ALDH2: variants seen among roughly 807,000 people sequenced by gnomAD.
The protein encoded by ALDH2 is aldehyde dehydrogenase, mitochondrial.
ALDH2 carries 44 observed loss-of-function variants against 59.6 expected under a neutral mutation model. The observed-to-expected ratio is 0.74, with a 90% confidence interval of 0.58 to 0.95. The LOEUF (loss-of-function observed/expected upper bound fraction) is 0.95, where lower values mean the gene tolerates loss of function less well. Ranked by LOEUF, ALDH2 falls within the 40% of genes least tolerant of loss-of-function variation. ALDH2 has a pLI of 0.00. For synonymous variants in ALDH2, 291 were observed against 284.0 expected (o/e 1.02, Z -0.25); for missense variants, 570 against 696.3 (o/e 0.82, Z 2.04).
At position 111,792,107 on chromosome 12, in the gene ALDH2, G is replaced by T; in HGVS notation, c.842G>T (p.Arg281Ile). 6.2e-7 allele frequency: 1 copy of T among 1,609,364 alleles called. No individual in the cohort carries two copies. Among genetic ancestry groups the T allele is most frequent in the South Asian group, 1.1e-5 (1 of 90,382 alleles). Residue 281 changes from arginine to isoleucine, a missense_variant, in exon 8 of 13, where the codon AGA (arginine) becomes ATA (isoleucine). Coordinates refer to ENST00000261733, the MANE Select transcript of ALDH2 (RefSeq NM_000690.4). ...GCTGCTGGGAGCAGCAACCTCAAGA[G>T]AGTGACCTTGGAGCTGGGGGGGAAG... The part of the protein sequence containing the change: ...QVAAGSSNLK[R>I]VTLELGGKSP...
intron 1 of ALDH2, 69 bp from the exon 2 acceptor site, chr12:111,781,848 TC>T: frequency 8.7e-7 from 1 of 1,145,286 alleles, no homozygotes. Flanking sequence ...TTTTTTTTTT[TC>T]CTTACAATAC....
chr12:111,798,139 C>T lies in ALDH2; in HGVS notation c.1145C>T (p.Ala382Val), dbSNP rs372769067. The change falls in exon 10 of 13, where the codon GCG becomes GTG. Residue 382 changes from alanine to valine, a missense_variant. Coordinates refer to ENST00000261733, the MANE Select transcript of ALDH2 (RefSeq NM_000690.4). ...GYINTGKQEG[A>V]KLLCGGGIAA... is the part of the protein sequence containing the mutation. ...ATCAACACGGGGAAGCAAGAGGGGG[C>T]GAAGCTGCTGTGTGGTGGGGGCATT... 6 of 1,613,502 alleles carry T rather than the reference C, an allele frequency of 3.7e-6. No homozygotes were observed. Among genetic ancestry groups the T allele is most frequent in the African/African-American group, 2.7e-5 (2 of 74,886 alleles).
At position 111,790,556 on chromosome 12, in the gene ALDH2, C is replaced by A. The variant is rs777018900; in HGVS notation, c.675C>A (p.Ile225=). The A allele has an allele frequency of 1.2e-6, 2 of 1,614,116 alleles. No homozygotes were observed. The highest frequency in any genetic ancestry group is 1.7e-6 in the Non-Finnish European group (2 of 1,180,024). Residue 225 remains isoleucine (I), a synonymous_variant, in exon 6 of 13, where the codon ATC becomes ATA. Transcript: ENST00000261733. ...CCGCCCTCTATGTGGCCAACCTGAT[C>A]AAGGAGGTGCGTGGCTTATCCTGGT... is the stretch of plus-strand genomic sequence containing the variant. The part of the protein sequence containing the change: ...PLTALYVANL[I]KEAGFPPGVV...
intron 11 of ALDH2, among the ~76,000 whole-genome samples, chr12:111,800,425 T>G (rs1293428006): frequency 6.6e-6 from 1 of 152,116 alleles, no homozygotes; most frequent in East Asian, 1.9e-4. Flanking sequence ...ATTTATTTAT[T>G]TTTAGTTTTA....
At chr12:111,800,843 G>T (rs559804072) in intron 11 of ALDH2, among the ~76,000 whole-genome samples, 1 of 152,162 alleles carries the variant, frequency 6.6e-6, no homozygotes, top group Non-Finnish European at 1.5e-5. Flanking sequence ...AAAGAAAAAC[G>T]TGCTCCCACA....
chr12:111,801,062 TA>T (rs2068447882), intron 11 of ALDH2, among the ~76,000 whole-genome samples: 1 of 152,188 alleles, frequency 6.6e-6, no homozygotes, highest in Admixed American at 6.5e-5. Context: ...GGGTAATTTA[TA>T]AAGGAAAGAG....
At position 111,817,345 on chromosome 12, in the gene ALDH2, C is replaced by T. The variant is rs528322187; in HGVS notation, c.*7770C>T. On this transcript the variant is annotated 3_prime_UTR_variant, in exon 13 of 13. Coordinates refer to ENST00000261733, the MANE Select transcript of ALDH2 (RefSeq NM_000690.4). ...GTAGCCCAAGGCTGGGACAGATTAA[C>T]AGGAATCCATAGCCCAGGGATGCGA... 6.6e-5 allele frequency: 10 copies of T among 152,172 alleles called. No individual in the cohort carries two copies. The highest frequency in any genetic ancestry group is 1.5e-4 in the Non-Finnish European group (10 of 68,036). The allele number at this position is 152,172 out of a possible 1,614,324, so 9.4% of individuals were successfully genotyped here.
At chr12:111,777,960 C>A (rs1036542397) in intron 1 of ALDH2, among the ~76,000 whole-genome samples, 1 of 152,226 alleles carries the variant, frequency 6.6e-6, no homozygotes, top group African/African-American at 2.4e-5. Context: ...AAGAGCCTTT[C>A]CTGTGGGTGC....
intron 12 of ALDH2, among the ~76,000 whole-genome samples, chr12:111,807,000 C>T (rs966041715): frequency 1.3e-5 from 2 of 151,754 alleles, no homozygotes; most frequent in African/African-American, 4.8e-5. Flanking sequence ...GGCATGGTGG[C>T]TCACGCCTGT....
At chr12:111,786,538 T>C (rs548066755) in intron 4 of ALDH2, among the ~76,000 whole-genome samples, 1 of 151,600 alleles carries the variant, frequency 6.6e-6, no homozygotes, top group Non-Finnish European at 1.5e-5. Context: ...GCCTGGCGAT[T>C]GATTGATAAT....
chr12:111,810,236 G>T lies in ALDH2; in HGVS notation c.*661G>T, dbSNP rs911091246. 2.0e-5 allele frequency: 3 copies of T among 153,102 alleles called. No homozygotes were observed. The highest frequency in any genetic ancestry group is 7.2e-5 in the African/African-American group (3 of 41,452). 9.5% of individuals were successfully genotyped at this position (153,102 alleles called of 1,614,324 possible). A position where few individuals can be genotyped will look rare whatever the true frequency, so the allele number is the denominator to read the frequency against. The stretch of plus-strand genomic sequence containing the variant: ...GGAAAATTGGTTGAACCTGGGAGGT[G>T]GAGGTTGCAGTGAGTGGAGATCATG... On this transcript the variant is annotated 3_prime_UTR_variant, in exon 13 of 13. Transcript: ENST00000261733.
Position 111,811,129 on chromosome 12 carries a change from G to A in ALDH2, c.*1554G>A, listed in dbSNP as rs2136031378. 1 of 150,862 alleles carries A rather than the reference G, an allele frequency of 6.6e-6. No individual in the cohort carries two copies. Among genetic ancestry groups the A allele is most frequent in the Non-Finnish European group, 1.5e-5 (1 of 67,884 alleles). 9.3% of individuals were successfully genotyped at this position (150,862 alleles called of 1,614,324 possible). A position where few individuals can be genotyped will look rare whatever the true frequency, so the allele number is the denominator to read the frequency against. On this transcript the variant is annotated 3_prime_UTR_variant, in exon 13 of 13. Transcript: ENST00000261733. ...AGGTGGGTGGGTCACCTGAGGTTGGGAGTTCGAGACCAGCCTGACCAACAG... is the reference window on the plus strand; with the variant it reads ...AGGTGGGTGGGTCACCTGAGGTTGGAAGTTCGAGACCAGCCTGACCAACAG...
At chr12:111,772,994 C>T (rs939581203) in intron 1 of ALDH2, among the ~76,000 whole-genome samples, 1 of 144,356 alleles carries the variant, frequency 6.9e-6, no homozygotes, top group African/African-American at 2.5e-5. Flanking sequence ...TGTGGTGGCT[C>T]ATGCCTGTAA....
chr12:111,781,582 G>A (rs1041303084), intron 1 of ALDH2, among the ~76,000 whole-genome samples: 2 of 152,188 alleles, frequency 1.3e-5, no homozygotes. Flanking sequence ...GCCCAACCAG[G>A]GGACTCTACT....
chr12:111,773,654 C>T (rs1051137370), intron 1 of ALDH2, among the ~76,000 whole-genome samples: 3 of 152,214 alleles, frequency 2.0e-5, no homozygotes, highest in African/African-American at 7.2e-5. Flanking sequence ...ATTTGAAGCC[C>T]ACTTTCAAAC....
At chr12:111,806,799 C>T (rs553826815) in intron 12 of ALDH2, among the ~76,000 whole-genome samples, 2 of 151,188 alleles carry the variant, frequency 1.3e-5, no homozygotes, top group South Asian at 4.2e-4. Context: ...TGGTGAAACC[C>T]CATCTCTACT....
In ALDH2 at chr12:111,800,053, G is replaced by A; in HGVS notation, c.1396G>A (p.Gly466Ser). The change falls in exon 11 of 13, where the codon GGC becomes AGC. Residue 466 changes from glycine to serine, a missense_variant. By Grantham distance (56) the Gly-to-Ser change is moderately conservative. Coordinates refer to ENST00000261733, the MANE Select transcript of ALDH2 (RefSeq NM_000690.4). The part of the protein sequence containing the change: ...ANYLSQALQA[G>S]TVWVNCYDVF... The stretch of plus-strand genomic sequence containing the variant: ...TTACCTGTCCCAGGCCCTCCAGGCG[G>A]GCACTGTGTGGTAAGAGCCTCCCAG... 6.2e-7 allele frequency: 1 copy of A among 1,611,980 alleles called. No individual in the cohort carries two copies. The highest frequency in any genetic ancestry group is 8.5e-7 in the Non-Finnish European group (1 of 1,179,428).
At chr12:111,806,141 G>A (rs1315110115) in intron 12 of ALDH2, among the ~76,000 whole-genome samples, 3 of 151,550 alleles carry the variant, frequency 2.0e-5, no homozygotes, top group African/African-American at 4.8e-5. Context: ...GTGAAACCTC[G>A]TCTCTACTAA....
intron 1 of ALDH2, among the ~76,000 whole-genome samples, chr12:111,777,581 T>G (rs2068242192): frequency 6.6e-6 from 1 of 152,158 alleles, no homozygotes; most frequent in Non-Finnish European, 1.5e-5. Context: ...ACTCAATGGC[T>G]GCAAGCTGCC....
Sources: gnomAD v4.1 joint callset for allele counts (sites outside exome capture counted in the v4.1 genomes callset) on GRCh38, gnomAD v4.1.1 for gene constraint, MANE v1.5 for transcripts, NCBI Gene and HGNC (gene_info 2026-07-23, HGNC 2026-07-21) for gene names.